Variants in UBE2U observed in about 807,000 individuals in gnomAD.
UBE2U encodes ubiquitin-conjugating enzyme E2 U.
In UBE2U, 39 loss-of-function variants were observed where a neutral mutation model predicts 41.2. That is an observed-to-expected ratio of 0.95 (90% confidence interval 0.73 to 1.24). The LOEUF (loss-of-function observed/expected upper bound fraction) is 1.24. UBE2U is among the 50% of genes most tolerant of loss of function. The probability of loss-of-function intolerance (pLI) is 0.00; values close to 1 mark genes in which losing one functional copy is unlikely to be tolerated. For synonymous variants in UBE2U, 107 were observed against 117.8 expected (o/e 0.91, Z 0.60); for missense variants, 336 against 363.1 (o/e 0.93, Z 0.61).
chr1:64,232,361 A>G (rs1020972292), intron 6 of UBE2U, among the ~76,000 whole-genome samples, 200 bp from the exon 7 acceptor site: 9 of 152,066 alleles, frequency 5.9e-5, no homozygotes, highest in Admixed American at 1.3e-4. Context: ...TGATTTGAAC[A>G]TTTTCTTTTT....
chr1:64,251,995 G>A (rs1232474668), intron 8 of UBE2U, among the ~76,000 whole-genome samples: 1 of 152,196 alleles, frequency 6.6e-6, no homozygotes, highest in Non-Finnish European at 1.5e-5. Flanking sequence ...GCTTAAGACA[G>A]AAGGGAGTTC....
chr1:64,219,791 G>A (rs1652305406), intron 5 of UBE2U, among the ~76,000 whole-genome samples: 1 of 151,920 alleles, frequency 6.6e-6, no homozygotes, highest in Non-Finnish European at 1.5e-5. Flanking sequence ...GTAGAGATGA[G>A]GTTTCACCAT....
chr1:64,257,536 T>C (rs1340102543), intron 8 of UBE2U, among the ~76,000 whole-genome samples: 4 of 152,174 alleles, frequency 2.6e-5, no homozygotes, highest in Admixed American at 6.5e-5. Context: ...CCATATGTTC[T>C]CACCTAGAAG....
intron 7 of UBE2U, among the ~76,000 whole-genome samples, chr1:64,238,327 CTG>C (rs1644707842): frequency 6.6e-6 from 1 of 151,666 alleles, no homozygotes; most frequent in Admixed American, 6.6e-5. Flanking sequence ...TCACTTGAAC[CTG>C]GAAGATGGAG....
chr1:64,219,387 C>A (rs12760517), intron 5 of UBE2U, among the ~76,000 whole-genome samples: 25,196 of 151,422 alleles, frequency 0.17, 2,707 homozygotes, highest in Non-Finnish European at 0.24. Flanking sequence ...GATAATATTT[C>A]TTTGTGTATC....
chr1:64,210,495 T>C (rs1651597787), intron 3 of UBE2U, among the ~76,000 whole-genome samples: 1 of 152,074 alleles, frequency 6.6e-6, no homozygotes, highest in Non-Finnish European at 1.5e-5. Flanking sequence ...AAAAACTTAG[T>C]CACAAGGCCA....
intron 9 of UBE2U, among the ~76,000 whole-genome samples, chr1:64,265,273 A>C (rs1456346307): frequency 6.6e-6 from 1 of 152,152 alleles, no homozygotes; most frequent in East Asian, 1.9e-4. Flanking sequence ...CTTTTCTCTT[A>C]TGTGAGATAA....
chr1:64,239,077 AGAGGAAGAGGAAGAG>A (rs1241812345), intron 7 of UBE2U, among the ~76,000 whole-genome samples: 102 of 62,698 alleles, frequency 1.6e-3, no homozygotes, highest in Non-Finnish European at 2.3e-3. Flanking sequence ...AGGAAGAGGA[AGAGGAAGAGGAAGAG>A]GAAGAAGAAG....
At chr1:64,212,080 A>G (rs147541608) in intron 4 of UBE2U, among the ~76,000 whole-genome samples, 242 of 152,314 alleles carry the variant, frequency 1.6e-3, no homozygotes, top group Admixed American at 2.7e-3. Context: ...GAAAGATTCA[A>G]TGTTCAGTTC....
intron 8 of UBE2U, among the ~76,000 whole-genome samples, chr1:64,255,884 C>A (rs1481043129): frequency 6.6e-6 from 1 of 152,084 alleles, no homozygotes; most frequent in Non-Finnish European, 1.5e-5. Context: ...ATGGTCTCAG[C>A]CCAAAAGCTT....
At chr1:64,207,219 C>T (rs563339062) in intron 3 of UBE2U, among the ~76,000 whole-genome samples, 8 of 151,514 alleles carry the variant, frequency 5.3e-5, no homozygotes, top group South Asian at 2.1e-4. Flanking sequence ...GGTGTGATCT[C>T]GGCTCACTGC....
chr1:64,249,422 A>G (rs1644972624), intron 8 of UBE2U, among the ~76,000 whole-genome samples: 1 of 151,426 alleles, frequency 6.6e-6, no homozygotes, highest in African/African-American at 2.4e-5. Context: ...AAATAAGCAG[A>G]AAAATATGAC....
intron 4 of UBE2U, among the ~76,000 whole-genome samples, chr1:64,213,426 G>C (rs187338251): frequency 6.6e-6 from 1 of 152,218 alleles, no homozygotes; most frequent in Admixed American, 6.5e-5. Context: ...TACCTTTTCT[G>C]ATTTATTTTC....
At chr1:64,263,439 A>G (rs1645209554) in intron 9 of UBE2U, among the ~76,000 whole-genome samples, 1 of 152,110 alleles carries the variant, frequency 6.6e-6, no homozygotes. Context: ...ATCACAGAGA[A>G]AGATTCAAGG....
At chr1:64,246,561 C>T (rs1211655344) in intron 8 of UBE2U, among the ~76,000 whole-genome samples, 2 of 145,784 alleles carry the variant, frequency 1.4e-5, no homozygotes, top group African/African-American at 2.5e-5. Flanking sequence ...TTAGAATGGA[C>T]ACTGCCTGTA....
At position 64,210,789 on chromosome 1, in the gene UBE2U, G is replaced by T; in HGVS notation, c.289G>T (p.Glu97Ter). ...CTGTATAGACTTTTTGGACAACCCT[G>T]AGAAGTGGAATACAAACTATACATT... ...QPCIDFLDNP[E>*]KWNTNYTLSS... Residue 97 changes from glutamate to a stop codon, truncating the protein, a stop_gained, in exon 4 of 10, where the codon GAG becomes TAG. Coordinates refer to ENST00000371077, the MANE Select transcript of UBE2U (RefSeq NM_001366232.2). LOFTEE classifies it high-confidence loss of function. 1 of 1,607,830 alleles carries T rather than the reference G, an allele frequency of 6.2e-7. No individual in the cohort carries two copies. Among genetic ancestry groups the T allele is most frequent in the African/African-American group, 1.3e-5 (1 of 74,898 alleles).
chr1:64,229,666 T>TA (rs1284822567), intron 6 of UBE2U, among the ~76,000 whole-genome samples: 1 of 152,214 alleles, frequency 6.6e-6, no homozygotes, highest in Non-Finnish European at 1.5e-5. Flanking sequence ...TTTAGGGGTT[T>TA]AATTGTTAGG....
intron 6 of UBE2U, among the ~76,000 whole-genome samples, chr1:64,228,994 G>A (rs1653092654): frequency 6.6e-6 from 1 of 151,746 alleles, no homozygotes; most frequent in Non-Finnish European, 1.5e-5. Flanking sequence ...CTGAGTAGCT[G>A]GGATTACAGG....
chr1:64,220,251 A>T (rs1652345850), intron 5 of UBE2U, among the ~76,000 whole-genome samples: 1 of 152,088 alleles, frequency 6.6e-6, no homozygotes, highest in Non-Finnish European at 1.5e-5. Flanking sequence ...GGAGAGAGAG[A>T]GAGAGAGAGA....
Sources: gnomAD v4.1 joint callset for allele counts (sites outside exome capture counted in the v4.1 genomes callset) on GRCh38, gnomAD v4.1.1 for gene constraint, MANE v1.5 for transcripts, NCBI Gene and HGNC (gene_info 2026-07-23, HGNC 2026-07-21) for gene names.